The following ACSF3 variants were observed in gnomAD, a reference collection of about 807,000 sequenced individuals.
ACSF3 encodes the protein acyl-CoA synthetase family member 3, also known as malonate--CoA ligase ACSF3, mitochondrial.
A neutral mutation model predicts 53.2 loss-of-function variants in ACSF3; 78 were observed. That is an observed-to-expected ratio of 1.47 (90% CI 1.22 to 1.77). The LOEUF (loss-of-function observed/expected upper bound fraction) is 1.77, where lower values mean the gene tolerates loss of function less well. Ranked by LOEUF, ACSF3 falls within the 40% of genes most tolerant of loss-of-function variation. ACSF3 has a pLI of 0.00. For synonymous variants in ACSF3, 414 were observed against 333.1 expected, an observed-to-expected ratio of 1.24 and a Z score of -2.65; for missense variants, 937 against 771.1, an observed-to-expected ratio of 1.22 and a Z score of -2.55.
chr16:89,103,206 G>A (rs921292049), intron 4 of ACSF3, among the ~76,000 whole-genome samples: 3 of 152,264 alleles, frequency 2.0e-5, no homozygotes, highest in African/African-American at 7.2e-5. Context: ...GACTGGATGA[G>A]CGGAGGTGAC....
intron 10 of ACSF3, chr16:89,153,842 G>A (rs1914409167): frequency 1.8e-6 from 1 of 555,382 alleles, no homozygotes; most frequent in Non-Finnish European, 3.2e-6. Flanking sequence ...CCCAAGGCCT[G>A]CACGCACCAT....
At chr16:89,096,382 C>CTGGACCGGGGGTGCT in intron 1 of ACSF3, among the ~76,000 whole-genome samples, 1 of 152,138 alleles carries the variant, frequency 6.6e-6, no homozygotes. Context: ...GCTGGGGTGC[C>CTGGACCGGGGGTGCT]TCTGGACCGG....
intron 7 of ACSF3, among the ~76,000 whole-genome samples, chr16:89,131,495 G>A (rs920643995): frequency 6.6e-6 from 1 of 152,066 alleles, no homozygotes; most frequent in Non-Finnish European, 1.5e-5. Flanking sequence ...TTTTCTATAT[G>A]AGTTGCTATT....
At position 89,136,436 on chromosome 16, in the gene ACSF3, G is replaced by A. The variant is rs1170749616; in HGVS notation, c.1366+3174G>A. 16 of 1,078,624 alleles carry A rather than the reference G, an allele frequency of 1.5e-5. No individual in the cohort carries two copies. In the African/African-American group the frequency reaches 1.5e-4, roughly 10 times the overall value. 66.8% of individuals were successfully genotyped at this position (1,078,624 alleles called of 1,614,324 possible). A position where few individuals can be genotyped will look rare whatever the true frequency, so the allele number is the denominator to read the frequency against. On this transcript the variant is annotated intron_variant, in intron 8 of 10. Coordinates refer to ENST00000614302, the MANE Select transcript of ACSF3 (RefSeq NM_001243279.3). ...CATGTCTTTGTCACAGGCCATTAGCGATGCTGCTGCATAATGAGAGCCTGC... is the reference window on the plus strand; with the variant it reads ...CATGTCTTTGTCACAGGCCATTAGCAATGCTGCTGCATAATGAGAGCCTGC...
At position 89,098,638 on chromosome 16, in the gene ACSF3, C is replaced by G. The variant is rs1974904947; in HGVS notation, c.-146C>G. ...TCCAGCGCCAGGCCTGGTGCCTGCC[C>G]CAGGAGGATGAGCATTTGCATTGCC... On this transcript the variant is annotated 5_prime_UTR_variant, in exon 2 of 11. Transcript: ENST00000614302. 1 of 454,092 alleles carries G rather than the reference C, an allele frequency of 2.2e-6. No individual in the cohort carries two copies. The highest frequency in any genetic ancestry group is 4.4e-6 in the Non-Finnish European group (1 of 226,764). The allele number at this position is 454,092 out of a possible 1,614,324, so 28.1% of individuals were successfully genotyped here.
At chr16:89,120,179 GAT>G (rs1185445969) in intron 6 of ACSF3, among the ~76,000 whole-genome samples, 1 of 152,240 alleles carries the variant, frequency 6.6e-6, no homozygotes, top group African/African-American at 2.4e-5. Context: ...GCCAGTGTAA[GAT>G]ATGATTTTAG....
intron 4 of ACSF3, among the ~76,000 whole-genome samples, chr16:89,103,617 TGTAGGGC>T (rs1446926242): frequency 6.6e-6 from 1 of 152,190 alleles, no homozygotes; most frequent in Non-Finnish European, 1.5e-5. Context: ...ACATTCGGGG[TGTAGGGC>T]GTAGGGCGTG....
At chr16:89,132,109 G>A (rs537459252) in intron 7 of ACSF3, among the ~76,000 whole-genome samples, 4 of 152,398 alleles carry the variant, frequency 2.6e-5, no homozygotes, top group Admixed American at 2.6e-4. Flanking sequence ...TTGGCCCCAC[G>A]GCGTTTGAGC....
At chr16:89,105,433 C>G (rs980254437) in intron 4 of ACSF3, among the ~76,000 whole-genome samples, 1 of 152,188 alleles carries the variant, frequency 6.6e-6, no homozygotes, top group African/African-American at 2.4e-5. Flanking sequence ...GCAGTGAGTT[C>G]CCCGTGAGTG....
rs914775266 is a variant in ACSF3 at position 89,119,511 on chromosome 16, A to C, written c.1127-1290A>C. Among the ~76,000 whole-genome samples the C allele has an allele frequency of 6.2e-4, 95 of 152,316 alleles. 2 individuals carry two copies. Among genetic ancestry groups the C allele is most frequent in the Admixed American group, 6.1e-3 (93 of 15,300 alleles). ...TGTGCGGAACACCGCCGTGCCGCGCACTGAAATGGGAAGTCATGTGTTATG... is the reference window on the plus strand; with the variant it reads ...TGTGCGGAACACCGCCGTGCCGCGCCCTGAAATGGGAAGTCATGTGTTATG... On this transcript the variant is annotated intron_variant, in intron 6 of 10. Transcript: ENST00000614302.
chr16:89,141,273 G>A, intron 8 of ACSF3: 1 of 1,287,282 alleles, frequency 7.8e-7, no homozygotes, highest in Non-Finnish European at 1.0e-6. Context: ...GCACAGCAAG[G>A]CGGGTGAGGC....
chr16:89,136,745 C>T (rs567815557), intron 8 of ACSF3: 40 of 1,287,268 alleles, frequency 3.1e-5, no homozygotes, highest in South Asian at 3.0e-4. Context: ...GCCTACAGCC[C>T]GCTTCTGCCT....
chr16:89,138,440 C>T (rs1453260314), intron 8 of ACSF3, among the ~76,000 whole-genome samples: 1 of 152,264 alleles, frequency 6.6e-6, no homozygotes, highest in Non-Finnish European at 1.5e-5. Context: ...CCCCAAGACC[C>T]AACCAAGGCT....
intron 10 of ACSF3, 108 bp downstream of exon 10, chr16:89,146,157 A>T: frequency 1.3e-6 from 1 of 796,314 alleles, no homozygotes; most frequent in Admixed American, 2.4e-5. Flanking sequence ...GAGATGAGGG[A>T]TCAAGAAAGA....
intron 8 of ACSF3, chr16:89,136,486 G>T (rs1280929649): frequency 1.6e-6 from 2 of 1,217,644 alleles, no homozygotes; most frequent in African/African-American, 1.6e-5. Context: ...TGCCGCTCCT[G>T]CCGGGAGAGC....
At position 89,102,740 on chromosome 16, in the gene ACSF3, C is replaced by T. The variant is rs1439750824; in HGVS notation, c.803C>T (p.Pro268Leu). The T allele has an allele frequency of 6.2e-7, 1 of 1,612,904 alleles. No individual in the cohort carries two copies. Among genetic ancestry groups the T allele is most frequent in the East Asian group, 2.2e-5 (1 of 44,872 alleles). The change falls in exon 4 of 11, where the codon CCT becomes CTT. Residue 268 changes from proline to leucine, a missense_variant. By Grantham distance (98) the Pro-to-Leu change is moderately conservative. Coordinates refer to ENST00000614302, the MANE Select transcript of ACSF3 (RefSeq NM_001243279.3). ...GTGGGAGCCACCTGTGTGATGATGC[C>T]TGAGTTCAGCCCTCAGCAGGTGAGT... ...LWVGATCVMM[P>L]EFSPQQVWEK...
chr16:89,120,849 A>G lies in ACSF3; in HGVS notation c.1175A>G (p.Glu392Gly). 6.2e-7 allele frequency: 1 copy of G among 1,614,102 alleles called. No homozygotes were observed. Among genetic ancestry groups the G allele is most frequent in the South Asian group, 1.1e-5 (1 of 91,092 alleles). The change falls in exon 7 of 11, where the codon GAA becomes GGA. Residue 392 changes from glutamate to glycine, a missense_variant. Physicochemically the swap from Glu to Gly is moderately conservative, Grantham distance 98. Transcript: ENST00000614302. Reference sequence around the variant, plus strand: ...GGAGTACAGGTGCGCATTGTCTCAGAAAACCCACAGAGGGAAGCCTGCTCC... The same window carrying G: ...GGAGTACAGGTGCGCATTGTCTCAGGAAACCCACAGAGGGAAGCCTGCTCC... The part of the protein sequence containing the change: ...LPGVQVRIVS[E>G]NPQREACSYT...
intron 8 of ACSF3, chr16:89,136,794 G>A (rs781179533): frequency 6.2e-5 from 80 of 1,287,208 alleles, no homozygotes; most frequent in Non-Finnish European, 7.9e-5. Context: ...AGGGGTCTCC[G>A]CTGCTGCTCA....
At chr16:89,115,458 C>G (rs1027957671) in intron 6 of ACSF3, among the ~76,000 whole-genome samples, 19 of 152,358 alleles carry the variant, frequency 1.2e-4, no homozygotes, top group African/African-American at 3.6e-4. Flanking sequence ...CGGCTTCCGC[C>G]CACAGTCAAC....
Sources: gnomAD v4.1 joint callset for allele counts (sites outside exome capture counted in the v4.1 genomes callset) on GRCh38, gnomAD v4.1.1 for gene constraint, MANE v1.5 for transcripts, NCBI Gene and HGNC (gene_info 2026-07-23, HGNC 2026-07-21) for gene names.